C1orf94: variants seen among roughly 807,000 people sequenced by gnomAD.
C1orf94 encodes the protein uncharacterized protein C1orf94.
In C1orf94, 45 loss-of-function variants were observed where a neutral mutation model predicts 53.6. The ratio of observed to expected loss-of-function variants is 0.84; its 90% CI spans 0.66 to 1.08. The LOEUF is 1.08. C1orf94 is among the 50% of genes least tolerant of loss of function. The pLI is 0.00. For synonymous variants in C1orf94, 304 were observed against 296.1 expected, an observed-to-expected ratio of 1.03 and a Z score of -0.27; for missense variants, 762 against 738.9, an observed-to-expected ratio of 1.03 and a Z score of -0.36.
intron 2 of C1orf94, among the ~76,000 whole-genome samples, chr1:34,199,489 C>T (rs1240698316): frequency 6.6e-6 from 1 of 152,206 alleles, no homozygotes; most frequent in African/African-American, 2.4e-5. Flanking sequence ...AGGAAGACAG[C>T]CTTAGCCCCG....
chr1:34,201,963 T>G, intron 3 of C1orf94, 121 bp from the exon 4 acceptor site: 10 of 926,966 alleles, frequency 1.1e-5, no homozygotes, highest in Non-Finnish European at 1.6e-5. Flanking sequence ...AGAACCCTCT[T>G]GGAGCTTAAA....
rs1440559677 is a variant in C1orf94 at position 34,202,271 on chromosome 1, G to T, written c.1446+12G>T. ...TCTTGCAGTATCAGGTCAGTGAGCTGGCCTGGCTCTCCTGTGGACATCCAC... is the reference window on the plus strand; with the variant it reads ...TCTTGCAGTATCAGGTCAGTGAGCTTGCCTGGCTCTCCTGTGGACATCCAC... On this transcript the variant is annotated intron_variant, in intron 4 of 6. Coordinates refer to ENST00000488417, the MANE Select transcript of C1orf94 (RefSeq NM_001134734.2). 2 of 1,612,956 alleles carry T rather than the reference G, an allele frequency of 1.2e-6. No individual in the cohort carries two copies. The highest frequency in any genetic ancestry group is 1.7e-5 in the Admixed American group (1 of 59,904).
intron 6 of C1orf94, among the ~76,000 whole-genome samples, chr1:34,213,626 C>G (rs1287784048): frequency 1.3e-5 from 2 of 152,078 alleles, no homozygotes; most frequent in South Asian, 4.1e-4. Context: ...CTGCAATCTC[C>G]GCCTCCCAGG....
chr1:34,196,224 C>G (rs1048650092), intron 1 of C1orf94, among the ~76,000 whole-genome samples: 2 of 152,152 alleles, frequency 1.3e-5, no homozygotes, highest in African/African-American at 2.4e-5. Context: ...GCAATCCTCT[C>G]TACACCTGGA....
chr1:34,200,831 T>C lies in C1orf94; in HGVS notation c.1069T>C (p.Trp357Arg). ...KGQGSLFLSQWPQSQKDACGE... is the reference protein window; with the variant it reads ...KGQGSLFLSQRPQSQKDACGE... ...TCAAGGGAGCCTCTTTCTCAGCCAG[T>C]GGCCCCAGAGCCAGAAGGACGCCTG... is the stretch of plus-strand genomic sequence containing the variant. Residue 357 changes from tryptophan to arginine, a missense_variant, in exon 3 of 7, where the codon TGG (tryptophan) becomes CGG (arginine). Trp to Arg is a moderately radical substitution (Grantham distance 101, BLOSUM62 -3). Coordinates refer to ENST00000488417, the MANE Select transcript of C1orf94 (RefSeq NM_001134734.2). The C allele has an allele frequency of 6.2e-7, 1 of 1,614,104 alleles. No homozygotes were observed. Among genetic ancestry groups the C allele is most frequent in the Non-Finnish European group, 8.5e-7 (1 of 1,180,004 alleles).
intron 6 of C1orf94, among the ~76,000 whole-genome samples, chr1:34,212,832 C>T (rs973293035): frequency 9.2e-5 from 14 of 152,092 alleles, no homozygotes; most frequent in African/African-American, 3.1e-4. Context: ...CCCCAACATC[C>T]CATTGACTTT....
At chr1:34,175,315 G>C (rs1557474725), upstream of C1orf94, among the ~76,000 whole-genome samples, 1 of 151,970 alleles carries the variant, frequency 6.6e-6, no homozygotes, top group Non-Finnish European at 1.5e-5. Context: ...TGGGGCCTGG[G>C]CAGTGCAGGG....
intron 5 of C1orf94, among the ~76,000 whole-genome samples, chr1:34,211,718 T>G (rs1186576240): frequency 6.6e-6 from 1 of 152,172 alleles, no homozygotes; most frequent in African/African-American, 2.4e-5. Context: ...ATCCCAGGAC[T>G]TTCCACTGGG....
intron 6 of C1orf94, among the ~76,000 whole-genome samples, chr1:34,214,778 G>T (rs2148624012): frequency 6.6e-6 from 1 of 152,264 alleles, no homozygotes; most frequent in South Asian, 2.1e-4. Context: ...TGAGAAGTGA[G>T]AGACAGCCTG....
At chr1:34,194,228 C>A (rs1382105067) in intron 1 of C1orf94, among the ~76,000 whole-genome samples, 1 of 152,200 alleles carries the variant, frequency 6.6e-6, no homozygotes, top group Non-Finnish European at 1.5e-5. Context: ...TTCTCGAGGG[C>A]CCACTATGCA....
At chr1:34,207,966 A>C (rs1356542128) in intron 4 of C1orf94, among the ~76,000 whole-genome samples, 191 bp from the exon 5 acceptor site, 1 of 152,172 alleles carries the variant, frequency 6.6e-6, no homozygotes, top group Non-Finnish European at 1.5e-5. Flanking sequence ...AAGGCTGCCT[A>C]AGAGGGGCTT....
chr1:34,212,330 A>G lies in C1orf94; in HGVS notation c.1645A>G (p.Lys549Glu). Residue 549 changes from lysine (K) to glutamate (E), a missense_variant, in exon 6 of 7, where the codon AAG becomes GAG. Physicochemically the swap from Lys to Glu is moderately conservative, Grantham distance 56. Coordinates refer to ENST00000488417, the MANE Select transcript of C1orf94 (RefSeq NM_001134734.2). ...NYPYPQRTPP[K>E]MSANPRDPPL... ...TCCCTACCCTCAGAGGACACCTCCAAAGATGTCTGCCAACCCCCGAGACCC... is the reference window on the plus strand; with the variant it reads ...TCCCTACCCTCAGAGGACACCTCCAGAGATGTCTGCCAACCCCCGAGACCC... 6.2e-7 allele frequency: 1 copy of G among 1,613,698 alleles called. No individual in the cohort carries two copies. Among genetic ancestry groups the G allele is most frequent in the Non-Finnish European group, 8.5e-7 (1 of 1,179,876 alleles).
chr1:34,212,176 G>T, intron 5 of C1orf94, 34 bp from the exon 6 acceptor site: 1 of 1,565,290 alleles, frequency 6.4e-7, no homozygotes, highest in South Asian at 1.2e-5. Context: ...CTGGGGAATG[G>T]TGACCTCACC....
intron 1 of C1orf94, among the ~76,000 whole-genome samples, chr1:34,196,574 G>A (rs1032178347): frequency 2.0e-5 from 3 of 152,114 alleles, no homozygotes; most frequent in South Asian, 2.1e-4. Context: ...CCTTTGAATC[G>A]CCCTTACTCT....
chr1:34,171,276 C>G (rs1040765315), intron 1 of C1orf94, among the ~76,000 whole-genome samples: 17 of 152,190 alleles, frequency 1.1e-4, no homozygotes, highest in African/African-American at 4.1e-4. Flanking sequence ...CTGGATCCTT[C>G]TGTGTTTTGT....
chr1:34,189,985 G>C (rs1298409958), intron 1 of C1orf94, among the ~76,000 whole-genome samples: 1 of 152,178 alleles, frequency 6.6e-6, no homozygotes, highest in African/African-American at 2.4e-5. Flanking sequence ...GGAGGACAGG[G>C]AGGGGGTAAG....
At chr1:34,213,365 T>C (rs1468131646) in intron 6 of C1orf94, among the ~76,000 whole-genome samples, 1 of 152,148 alleles carries the variant, frequency 6.6e-6, no homozygotes, top group Admixed American at 6.5e-5. Flanking sequence ...ATGCAGCAAG[T>C]GGTTTCAGTA....
intron 5 of C1orf94, among the ~76,000 whole-genome samples, chr1:34,210,349 A>C (rs1642869551): frequency 6.6e-6 from 1 of 152,216 alleles, no homozygotes; most frequent in African/African-American, 2.4e-5. Context: ...ACCAGGCCCC[A>C]CATCTCCACT....
At position 34,209,309 on chromosome 1, in the gene C1orf94, CACACACACACAT is replaced by C. The variant is rs1315346386; in HGVS notation, c.1524+1076_1524+1087del. On this transcript the variant is annotated intron_variant, in intron 5 of 6. Coordinates refer to ENST00000488417, the MANE Select transcript of C1orf94 (RefSeq NM_001134734.2). ...AAACACACACACACACACACACACACACACACACACATGCAGACAGAAACACAGGTATAGTTG... is the reference window on the plus strand; with the variant it reads ...AAACACACACACACACACACACACACGCAGACAGAAACACAGGTATAGTTG... Among the ~76,000 whole-genome samples, 424 of 151,950 alleles carry C rather than the reference CACACACACACAT, an allele frequency of 2.8e-3. 2 individuals carry two copies. Among genetic ancestry groups the C allele is most frequent in the Middle Eastern group, 0.014 (4 of 292 alleles).
Sources: gnomAD v4.1 joint callset for allele counts (sites outside exome capture counted in the v4.1 genomes callset) on GRCh38, gnomAD v4.1.1 for gene constraint, MANE v1.5 for transcripts, NCBI Gene and HGNC (gene_info 2026-07-23, HGNC 2026-07-21) for gene names.